Variants in FAM168B observed in about 807,000 individuals in gnomAD.
FAM168B encodes myelin-associated neurite-outgrowth inhibitor.
FAM168B carries 19 observed loss-of-function variants against 21.8 expected under a neutral mutation model. That is an observed-to-expected ratio of 0.87 (90% CI 0.61 to 1.28). The LOEUF (loss-of-function observed/expected upper bound fraction) is 1.28. Ranked by LOEUF, FAM168B falls within the 50% of genes most tolerant of loss-of-function variation. The pLI is 0.00. For missense variants in FAM168B, 233 were observed against 263.1 expected (o/e 0.89, Z 0.79); for synonymous variants, 126 against 104.8 (o/e 1.20, Z -1.24).
At position 131,066,007 on chromosome 2, in the gene FAM168B, G is replaced by A. The variant is rs189990578; in HGVS notation, c.154+5848C>T. 1.1e-3 allele frequency among the ~76,000 whole-genome samples: 164 copies of A among 152,138 alleles called. 1 individual carries two copies. Among genetic ancestry groups the A allele is most frequent in the African/African-American group, 3.7e-3 (152 of 41,518 alleles). On this transcript the variant is annotated intron_variant, in intron 3 of 6. Transcript: ENST00000389915. Reference sequence around the variant, plus strand: ...TTATTGCCCTTAGAATACATTCCTAGAAGTGGGTCGAAAGGGTTCATTTTT... The same window carrying A: ...TTATTGCCCTTAGAATACATTCCTAAAAGTGGGTCGAAAGGGTTCATTTTT...
chr2:131,057,000 C>T (rs1393607706), intron 3 of FAM168B, among the ~76,000 whole-genome samples: 1 of 152,112 alleles, frequency 6.6e-6, no homozygotes, highest in African/African-American at 2.4e-5. Context: ...CCAAACATAC[C>T]AAACTGTACA....
Position 131,050,887 on chromosome 2 carries a change from G to C in FAM168B, c.*1578C>G, listed in dbSNP as rs1290985552. 20 of 985,664 alleles carry C rather than the reference G, an allele frequency of 2.0e-5. No homozygotes were observed. The highest frequency in any genetic ancestry group is 1.1e-4 in the East Asian group (1 of 8,832). 61.1% of individuals were successfully genotyped at this position (985,664 alleles called of 1,614,324 possible). On this transcript the variant is annotated 3_prime_UTR_variant, in exon 7 of 7. Transcript: ENST00000389915. ...GAAGAAGACGCACGCTCCTGCCCTAGAGGCCGCTGAAAGGGACCCAGGCCT... is the reference window on the plus strand; with the variant it reads ...GAAGAAGACGCACGCTCCTGCCCTACAGGCCGCTGAAAGGGACCCAGGCCT...
rs1691462391 is a variant in FAM168B at position 131,048,839 on chromosome 2, C to T, written c.*3626G>A. The T allele has an allele frequency of 2.0e-6, 2 of 986,296 alleles. No homozygotes were observed. The highest frequency in any genetic ancestry group is 2.4e-6 in the Non-Finnish European group (2 of 830,238). The allele number at this position is 986,296 out of a possible 1,614,324, so 61.1% of individuals were successfully genotyped here. ...AGACGCTGCCACCCACCTCAAGCCA[C>T]ACCCCTGCCACCTGCTGCTGCGCCC... On this transcript the variant is annotated 3_prime_UTR_variant, in exon 7 of 7. Coordinates refer to ENST00000389915, the MANE Select transcript of FAM168B (RefSeq NM_001009993.4).
At chr2:131,086,645 ATTTT>A (rs1693713933) in intron 1 of FAM168B, among the ~76,000 whole-genome samples, 1 of 152,318 alleles carries the variant, frequency 6.6e-6, no homozygotes, top group South Asian at 2.1e-4. Context: ...TGGTAAGTGA[ATTTT>A]TAGTTTAATT....
In FAM168B at chr2:131,048,170, T is replaced by C; in HGVS notation, c.*4295A>G. The C allele has an allele frequency of 2.4e-6, 3 of 1,249,644 alleles. No individual in the cohort carries two copies. The South Asian group carries it at 4.0e-5, about 17-fold the overall frequency. The allele number at this position is 1,249,644 out of a possible 1,614,324, so 77.4% of individuals were successfully genotyped here. On this transcript the variant is annotated 3_prime_UTR_variant, in exon 7 of 7. Coordinates refer to ENST00000389915, the MANE Select transcript of FAM168B (RefSeq NM_001009993.4). ...CGGTGTAAAAAACGGTATTTAAAAA[T>C]CATTTTTAAAAAAACAAAAAGGAAC...
rs1429589611 is a variant in FAM168B at position 131,093,231 on chromosome 2, C to G, written c.-29G>C. On this transcript the variant is annotated 5_prime_UTR_variant, in exon 1 of 7. Coordinates refer to ENST00000389915, the MANE Select transcript of FAM168B (RefSeq NM_001009993.4). ...CCACTCACCGCGCCGCGGCGGCGAC[C>G]TGGGCCTCAGTGACCAGCGCACGCC... is the stretch of plus-strand genomic sequence containing the variant. The G allele has an allele frequency of 6.6e-6, 1 of 150,432 alleles. No homozygotes were observed. Among genetic ancestry groups the G allele is most frequent in the Non-Finnish European group, 1.5e-5 (1 of 67,436 alleles). 9.3% of individuals were successfully genotyped at this position (150,432 alleles called of 1,614,324 possible).
chr2:131,053,108 G>C, intron 5 of FAM168B, 93 bp from the exon 6 acceptor site: 1 of 1,432,996 alleles, frequency 7.0e-7, no homozygotes, highest in Non-Finnish European at 9.2e-7. Flanking sequence ...TTTGCAAGGA[G>C]GAGGGTATAC....
intron 2 of FAM168B, among the ~76,000 whole-genome samples, chr2:131,077,744 G>C (rs917161694): frequency 1.3e-5 from 2 of 152,106 alleles, no homozygotes; most frequent in Non-Finnish European, 2.9e-5. Context: ...TGATAAAATT[G>C]GACCTCAGAT....
chr2:131,089,725 AAAAAAAGAAAG>A (rs1413956347), intron 1 of FAM168B, among the ~76,000 whole-genome samples: 5 of 150,070 alleles, frequency 3.3e-5, no homozygotes, highest in East Asian at 4.0e-4. Flanking sequence ...CTCAAAAAAA[AAAAAAAGAAAG>A]AAAAAAGAAA....
intron 2 of FAM168B, among the ~76,000 whole-genome samples, chr2:131,081,198 C>T (rs1693417538): frequency 6.6e-6 from 1 of 152,084 alleles, no homozygotes. Flanking sequence ...TCTTATGTTT[C>T]TGATTCTTTC....
chr2:131,068,943 A>G (rs1372372314), intron 3 of FAM168B, among the ~76,000 whole-genome samples: 3 of 152,140 alleles, frequency 2.0e-5, no homozygotes, highest in African/African-American at 4.8e-5. Flanking sequence ...TTGAGCCTGA[A>G]AAGTCGAGGC....
Position 131,089,650 on chromosome 2 carries a change from G to A in FAM168B, c.-12+3564C>T, listed in dbSNP as rs1486241724. Among the ~76,000 whole-genome samples, 6 of 150,898 alleles carry A rather than the reference G, an allele frequency of 4.0e-5. No homozygotes were observed. The South Asian group carries it at 6.3e-4, about 16-fold the overall frequency. On this transcript the variant is annotated intron_variant, in intron 1 of 6. Transcript: ENST00000389915. The stretch of plus-strand genomic sequence containing the variant: ...GGAGAATGGTGTGAACCCGGAAGGC[G>A]GAGCTTGCAATGAGCCGAGATGGCG...
chr2:131,086,654 T>A (rs1693714747), intron 1 of FAM168B, among the ~76,000 whole-genome samples: 1 of 152,194 alleles, frequency 6.6e-6, no homozygotes, highest in African/African-American at 2.4e-5. Context: ...AATTTTTAGT[T>A]TAATTAACTT....
intron 3 of FAM168B, among the ~76,000 whole-genome samples, chr2:131,060,953 G>A (rs907032670): frequency 5.3e-5 from 8 of 151,566 alleles, no homozygotes; most frequent in Admixed American, 3.3e-4. Flanking sequence ...CCGGGTTCAC[G>A]CCATTCTCCT....
rs73000369 is a variant in FAM168B at position 131,056,659 on chromosome 2, A to G, written c.155-964T>C. 9.4e-3 allele frequency among the ~76,000 whole-genome samples: 1,429 copies of G among 152,304 alleles called. 21 individuals carry two copies. The highest frequency in any genetic ancestry group is 0.032 in the African/African-American group (1,319 of 41,544). Reference sequence around the variant, plus strand: ...CAGCAGCTATATTCACAATGATCAAAAGCTGGCAATGGCCCAGATGCCCAC... The same window carrying G: ...CAGCAGCTATATTCACAATGATCAAGAGCTGGCAATGGCCCAGATGCCCAC... On this transcript the variant is annotated intron_variant, in intron 3 of 6. Transcript: ENST00000389915.
At chr2:131,080,247 T>G (rs547695301) in intron 2 of FAM168B, among the ~76,000 whole-genome samples, 1 of 151,636 alleles carries the variant, frequency 6.6e-6, no homozygotes, top group South Asian at 2.1e-4. Flanking sequence ...TGGCTGTTGA[T>G]TGCACAAAAT....
Position 131,049,656 on chromosome 2 carries a change from T to G in FAM168B, c.*2809A>C. Reference sequence around the variant, plus strand: ...AGGTGTAGAACAAATATTTTTTAAATAGCCATCATGATGTCCATGTTTACA... The same window carrying G: ...AGGTGTAGAACAAATATTTTTTAAAGAGCCATCATGATGTCCATGTTTACA... On this transcript the variant is annotated 3_prime_UTR_variant, in exon 7 of 7. Coordinates refer to ENST00000389915, the MANE Select transcript of FAM168B (RefSeq NM_001009993.4). 2.0e-6 allele frequency: 2 copies of G among 985,702 alleles called. No individual in the cohort carries two copies. The highest frequency in any genetic ancestry group is 4.7e-5 in the South Asian group (1 of 21,278). The allele number at this position is 985,702 out of a possible 1,614,324, so 61.1% of individuals were successfully genotyped here. A position where few individuals can be genotyped will look rare whatever the true frequency, so the allele number is the denominator to read the frequency against.
Position 131,071,983 on chromosome 2 carries a change from C to CAACA in FAM168B, c.71-46_71-45insTGTT, listed in dbSNP as rs762282031. 3 of 1,500,926 alleles carry CAACA rather than the reference C, an allele frequency of 2.0e-6. No individual in the cohort carries two copies. The African/African-American group carries it at 4.8e-5, about 24-fold the overall frequency. The allele number at this position is 1,500,926 out of a possible 1,614,324, so 93.0% of individuals were successfully genotyped here. On this transcript the variant is annotated intron_variant, in intron 2 of 6. Transcript: ENST00000389915. ...AATCTCATGTCATCAACTGAAGTAG[C>CAACA]GACAATCACTAGAGCTCCTGCAAAG...
intron 5 of FAM168B, among the ~76,000 whole-genome samples, chr2:131,054,449 T>A (rs1327142857): frequency 6.6e-6 from 1 of 152,354 alleles, no homozygotes; most frequent in African/African-American, 2.4e-5. Flanking sequence ...CCCAGTTTCC[T>A]GTTCCTTGAC....
Sources: gnomAD v4.1 joint callset for allele counts (sites outside exome capture counted in the v4.1 genomes callset) on GRCh38, gnomAD v4.1.1 for gene constraint, MANE v1.5 for transcripts, NCBI Gene and HGNC (gene_info 2026-07-23, HGNC 2026-07-21) for gene names.